Variants in DCDC1 observed in about 807,000 individuals in gnomAD.
The protein encoded by DCDC1 is doublecortin domain-containing protein 1.
In DCDC1, 200 loss-of-function variants were observed where a neutral mutation model predicts 178.3. The ratio of observed to expected loss-of-function variants is 1.12; its 90% CI spans 1.00 to 1.26. The LOEUF is 1.26. DCDC1 is among the 50% of genes most tolerant of loss of function. The pLI, the probability that DCDC1 is intolerant of heterozygous loss-of-function variation, is 0.00. For missense variants in DCDC1, 1,983 were observed against 1,749.2 expected (o/e 1.13, Z -2.38); for synonymous variants, 690 against 604.8 (o/e 1.14, Z -2.07).
At chr11:31,021,514 TG>T (rs1333654140) in intron 20 of DCDC1, among the ~76,000 whole-genome samples, 1 of 152,188 alleles carries the variant, frequency 6.6e-6, no homozygotes, top group African/African-American at 2.4e-5. Flanking sequence ...GCAAAGGGAA[TG>T]AATGGGAATG....
At chr11:30,975,439 T>C (rs765723295) in intron 20 of DCDC1, among the ~76,000 whole-genome samples, 3 of 152,144 alleles carry the variant, frequency 2.0e-5, no homozygotes, top group Non-Finnish European at 2.9e-5. Flanking sequence ...CTGTCCCTCT[T>C]TGCAGATAAT....
At chr11:31,367,762 T>TA (rs1425588704) in intron 1 of DCDC1, among the ~76,000 whole-genome samples, 1 of 152,246 alleles carries the variant, frequency 6.6e-6, no homozygotes, top group Admixed American at 6.5e-5. Context: ...AGCTTGCACT[T>TA]ACGGCTTACA....
chr11:31,173,494 T>A (rs1967527448), intron 9 of DCDC1, among the ~76,000 whole-genome samples: 1 of 152,218 alleles, frequency 6.6e-6, no homozygotes, highest in Non-Finnish European at 1.5e-5. Flanking sequence ...TAAAGCAATT[T>A]TATCTCTGGA....
chr11:31,032,918 C>T (rs535126206), intron 20 of DCDC1, among the ~76,000 whole-genome samples: 1 of 152,186 alleles, frequency 6.6e-6, no homozygotes. Context: ...TTTAGTGGAT[C>T]TATTTTAAAA....
chr11:30,916,302 C>T (rs1389121557), intron 26 of DCDC1, among the ~76,000 whole-genome samples: 1 of 152,190 alleles, frequency 6.6e-6, no homozygotes, highest in African/African-American at 2.4e-5. Flanking sequence ...AATCTATAAA[C>T]ATCTATTAAG....
At chr11:31,066,157 G>T (rs1956238202) in intron 18 of DCDC1, among the ~76,000 whole-genome samples, 2 of 152,174 alleles carry the variant, frequency 1.3e-5, no homozygotes, top group East Asian at 1.9e-4. Context: ...AATAAGTCAT[G>T]ATGTGAAAAT....
At chr11:31,346,604 C>A (rs1950830871) in intron 1 of DCDC1, among the ~76,000 whole-genome samples, 1 of 151,802 alleles carries the variant, frequency 6.6e-6, no homozygotes, top group Admixed American at 6.6e-5. Context: ...ATACTGCTTA[C>A]TACTTAATAT....
intron 1 of DCDC1, among the ~76,000 whole-genome samples, chr11:31,338,447 T>C (rs1950379223): frequency 6.6e-6 from 1 of 152,190 alleles, no homozygotes. Flanking sequence ...TGATCAAGAA[T>C]AGGTGGTTAT....
At chr11:30,941,074 G>C (rs1947610760) in intron 21 of DCDC1, among the ~76,000 whole-genome samples, 1 of 152,032 alleles carries the variant, frequency 6.6e-6, no homozygotes, top group South Asian at 2.1e-4. Flanking sequence ...TAATCTATCA[G>C]TTAAATGTGC....
intron 34 of DCDC1, among the ~76,000 whole-genome samples, chr11:30,898,063 A>G (rs997672001): frequency 6.6e-5 from 10 of 152,170 alleles, no homozygotes; most frequent in African/African-American, 2.4e-4. Flanking sequence ...GAGTTAAGAA[A>G]GCGCATGGTA....
intron 20 of DCDC1, among the ~76,000 whole-genome samples, chr11:30,957,150 T>C (rs1948816431): frequency 6.6e-6 from 1 of 152,140 alleles, no homozygotes; most frequent in South Asian, 2.1e-4. Context: ...ACCCTTATCC[T>C]CCCTCATCTA....
chr11:31,014,380 A>G (rs1952357005), intron 20 of DCDC1, among the ~76,000 whole-genome samples: 1 of 152,064 alleles, frequency 6.6e-6, no homozygotes, highest in South Asian at 2.1e-4. Context: ...TCTCCTGCCA[A>G]CAGCCACAGT....
chr11:31,166,611 G>A (rs1187436933), intron 9 of DCDC1, among the ~76,000 whole-genome samples: 1 of 151,994 alleles, frequency 6.6e-6, no homozygotes, highest in East Asian at 1.9e-4. Flanking sequence ...AAGTACGTAT[G>A]ATATATGTGG....
chr11:30,945,397 T>C (rs1286410126), intron 21 of DCDC1, among the ~76,000 whole-genome samples: 2 of 152,028 alleles, frequency 1.3e-5, no homozygotes, highest in African/African-American at 4.8e-5. Flanking sequence ...GTTATATATA[T>C]ATATGCACAA....
Position 31,358,121 on chromosome 11 carries a change from C to T in DCDC1, c.-125+11576G>A, listed in dbSNP as rs560779267. 5.3e-5 allele frequency among the ~76,000 whole-genome samples: 8 copies of T among 150,666 alleles called. 1 individual carries two copies. In the East Asian group the frequency reaches 1.2e-3, roughly 22 times the overall value. ...TCATATGGAACCAAAAAAGAGCCCGCATCGCCAAGTCAATCCTAAGCCAAA... is the reference window on the plus strand; with the variant it reads ...TCATATGGAACCAAAAAAGAGCCCGTATCGCCAAGTCAATCCTAAGCCAAA... On this transcript the variant is annotated intron_variant, in intron 1 of 38. Coordinates refer to ENST00000684477, the MANE Select transcript of DCDC1 (RefSeq NM_001387274.1).
At chr11:31,261,063 G>T (rs1044982476) in intron 8 of DCDC1, among the ~76,000 whole-genome samples, 4 of 152,080 alleles carry the variant, frequency 2.6e-5, no homozygotes, top group Non-Finnish European at 5.9e-5. Flanking sequence ...ATTAAGTACA[G>T]GATTAATATA....
At chr11:31,056,634 C>A (rs1302434840) in intron 20 of DCDC1, among the ~76,000 whole-genome samples, 2 of 151,758 alleles carry the variant, frequency 1.3e-5, no homozygotes, top group Non-Finnish European at 2.9e-5. Context: ...TAAAACAATT[C>A]CAAAATTGTA....
At chr11:30,997,179 G>T (rs949910691) in intron 20 of DCDC1, among the ~76,000 whole-genome samples, 5 of 152,186 alleles carry the variant, frequency 3.3e-5, no homozygotes, top group Non-Finnish European at 7.4e-5. Context: ...AGAGACAGGG[G>T]TAGAGGATAG....
At chr11:30,880,519 A>G (rs1942566487) in intron 37 of DCDC1, among the ~76,000 whole-genome samples, 1 of 152,198 alleles carries the variant, frequency 6.6e-6, no homozygotes. Context: ...ATGCCAGGCA[A>G]TTCATTACCT....
Sources: allele counts gnomAD v4.1 joint callset (sites outside exome capture counted in the v4.1 genomes callset), GRCh38; gene constraint gnomAD v4.1.1; transcripts MANE v1.5; gene names NCBI Gene and HGNC (gene_info 2026-07-23, HGNC 2026-07-21).